CACNB4: variants seen among roughly 807,000 people sequenced by gnomAD.
CACNB4 encodes calcium voltage-gated channel auxiliary subunit beta 4, also known as voltage-dependent L-type calcium channel subunit beta-4.
A neutral mutation model predicts 71.2 loss-of-function variants in CACNB4; 32 were observed. The ratio of observed to expected loss-of-function variants is 0.45; its 90% confidence interval spans 0.34 to 0.60. The LOEUF (loss-of-function observed/expected upper bound fraction) is 0.60. Ranked by LOEUF, CACNB4 falls within the 20% of genes least tolerant of loss-of-function variation. The pLI, the probability that CACNB4 is intolerant of heterozygous loss-of-function variation, is 0.01. For synonymous variants in CACNB4, 231 were observed against 236.9 expected (o/e 0.97, Z 0.23); for missense variants, 464 against 647.9 (o/e 0.72, Z 3.08).
intron 10 of CACNB4, chr2:151,860,450 G>A (rs2099841350): frequency 2.1e-6 from 1 of 485,042 alleles, no homozygotes; most frequent in Non-Finnish European, 3.6e-6. Flanking sequence ...ATGTAGTTAG[G>A]CAGGAAAAGA....
chr2:152,030,565 T>C (rs1684230807), intron 2 of CACNB4, among the ~76,000 whole-genome samples: 1 of 152,234 alleles, frequency 6.6e-6, no homozygotes, highest in South Asian at 2.1e-4. Context: ...ACCCATTAAC[T>C]TGTCATTTAC....
intron 2 of CACNB4, among the ~76,000 whole-genome samples, chr2:151,901,642 C>A (rs1285631605): frequency 6.6e-6 from 1 of 152,130 alleles, no homozygotes; most frequent in Non-Finnish European, 1.5e-5. Context: ...ATGTGCATTC[C>A]GTTTTGAAAA....
Position 151,838,204 on chromosome 2 carries a change from A to G in CACNB4, c.*915T>C, listed in dbSNP as rs1168191946. The G allele has an allele frequency of 6.6e-6, 1 of 152,634 alleles. No homozygotes were observed. Among genetic ancestry groups the G allele is most frequent in the East Asian group, 1.9e-4 (1 of 5,202 alleles). The allele number at this position is 152,634 out of a possible 1,614,324, so 9.5% of individuals were successfully genotyped here. On this transcript the variant is annotated 3_prime_UTR_variant, in exon 14 of 14. Coordinates refer to ENST00000539935, the MANE Select transcript of CACNB4 (RefSeq NM_000726.5). ...CCACATCCTTACTATCTGACTTCAG[A>G]TTCCTGGATGTATGTAGTTGTGCTC...
intron 2 of CACNB4, among the ~76,000 whole-genome samples, chr2:152,076,848 C>T (rs1381282038): frequency 6.6e-6 from 1 of 152,190 alleles, no homozygotes; most frequent in Non-Finnish European, 1.5e-5. Context: ...CAGTTCTTTG[C>T]CTCTTTGGAG....
At chr2:151,952,384 AAGAC>A (rs775854742) in intron 2 of CACNB4, among the ~76,000 whole-genome samples, 12 of 152,174 alleles carry the variant, frequency 7.9e-5, no homozygotes, top group South Asian at 2.1e-4. Flanking sequence ...TGATAGCTCT[AAGAC>A]AGACAGACAG....
intron 2 of CACNB4, among the ~76,000 whole-genome samples, chr2:152,036,333 T>C (rs1474699071): frequency 6.6e-6 from 1 of 152,224 alleles, no homozygotes; most frequent in African/African-American, 2.4e-5. Context: ...AGAGTCTTGC[T>C]CTGTCTCCCA....
At chr2:151,875,828 G>A (rs540481683) in intron 5 of CACNB4, among the ~76,000 whole-genome samples, 3 of 138,480 alleles carry the variant, frequency 2.2e-5, no homozygotes, top group Non-Finnish European at 4.7e-5. Context: ...CGGACGGGGC[G>A]TCTCGCCTGG....
At chr2:151,905,875 C>G (rs2099854680) in intron 2 of CACNB4, among the ~76,000 whole-genome samples, 1 of 152,238 alleles carries the variant, frequency 6.6e-6, no homozygotes, top group South Asian at 2.1e-4. Flanking sequence ...AAAGAATTCT[C>G]CACTTCGTCT....
At position 151,914,012 on chromosome 2, in the gene CACNB4, C is replaced by T. The variant is rs143690690; in HGVS notation, c.148-30642G>A. The stretch of plus-strand genomic sequence containing the variant: ...GTTCTCTGTATTTCCTGAATTTGCA[C>T]GTTGGCCTGTCTTGCTAGGTTGGGG... On this transcript the variant is annotated intron_variant, in intron 2 of 13. Transcript: ENST00000539935. 4.0e-3 allele frequency among the ~76,000 whole-genome samples: 609 copies of T among 152,186 alleles called. 5 individuals carry two copies. Among genetic ancestry groups the T allele is most frequent in the Non-Finnish European group, 7.0e-3 (477 of 67,994 alleles).
chr2:152,093,447 T>C (rs1370005229), intron 2 of CACNB4, among the ~76,000 whole-genome samples: 1 of 149,688 alleles, frequency 6.7e-6, no homozygotes, highest in African/African-American at 2.4e-5. Context: ...ACCCATATGC[T>C]CTTTTATAAC....
At chr2:151,878,743 T>C (rs986466642) in intron 4 of CACNB4, among the ~76,000 whole-genome samples, 3 of 145,882 alleles carry the variant, frequency 2.1e-5, no homozygotes, top group Admixed American at 7.0e-5. Flanking sequence ...TAGTGCACTA[T>C]ACTAGACTAC....
chr2:151,878,510 G>A (rs1486617893), intron 4 of CACNB4, among the ~76,000 whole-genome samples: 2 of 145,646 alleles, frequency 1.4e-5, no homozygotes, highest in Non-Finnish European at 3.0e-5. Context: ...TTGAGGCCAG[G>A]AGTTTGAAAT....
chr2:152,005,877 T>C (rs1022340018), intron 2 of CACNB4, among the ~76,000 whole-genome samples: 2 of 152,224 alleles, frequency 1.3e-5, no homozygotes, highest in African/African-American at 2.4e-5. Flanking sequence ...TGGAACCAAG[T>C]ACATGGGCTA....
chr2:152,072,441 A>T (rs1381928951), intron 2 of CACNB4, among the ~76,000 whole-genome samples: 2 of 152,254 alleles, frequency 1.3e-5, no homozygotes, highest in Non-Finnish European at 2.9e-5. Flanking sequence ...TTTCACAAAG[A>T]TCTGTAATAC....
chr2:152,003,397 G>A (rs1042116805), intron 2 of CACNB4, among the ~76,000 whole-genome samples: 1 of 151,498 alleles, frequency 6.6e-6, no homozygotes, highest in African/African-American at 2.4e-5. Flanking sequence ...AGTGAGCCAA[G>A]ATTGTGCCAC....
At chr2:151,876,935 A>T (rs2151432411) in intron 4 of CACNB4, among the ~76,000 whole-genome samples, 1 of 146,844 alleles carries the variant, frequency 6.8e-6, no homozygotes, top group East Asian at 1.9e-4. Context: ...ATCTATATAT[A>T]CTATATTTAT....
chr2:152,095,130 CA>C (rs750193402), intron 2 of CACNB4, among the ~76,000 whole-genome samples: 11 of 152,172 alleles, frequency 7.2e-5, no homozygotes, highest in Admixed American at 6.5e-4. Flanking sequence ...TCCCTGGATT[CA>C]TTCCAAAACC....
At chr2:152,025,901 T>C (rs1038162722) in intron 2 of CACNB4, among the ~76,000 whole-genome samples, 7 of 152,224 alleles carry the variant, frequency 4.6e-5, no homozygotes, top group South Asian at 2.1e-4. Context: ...TGCAGTATAG[T>C]AGAAAAACGT....
intron 2 of CACNB4, among the ~76,000 whole-genome samples, chr2:151,924,921 C>A (rs1488626181): frequency 2.0e-5 from 3 of 152,170 alleles, no homozygotes; most frequent in Non-Finnish European, 2.9e-5. Context: ...GAATCCCACG[C>A]AATGCTTCCG....
Sources: allele counts gnomAD v4.1 joint callset (sites outside exome capture counted in the v4.1 genomes callset), GRCh38; gene constraint gnomAD v4.1.1; transcripts MANE v1.5; gene names NCBI Gene and HGNC (gene_info 2026-07-23, HGNC 2026-07-21).